Variants in GYG1 observed in about 807,000 individuals in gnomAD.
GYG1 encodes the protein glycogenin 1.
Under a neutral mutation model 41.9 loss-of-function variants are expected in GYG1, and 44 were observed. That is an observed-to-expected ratio of 1.05 (90% CI 0.83 to 1.35). The LOEUF (loss-of-function observed/expected upper bound fraction) is 1.35. Among genes scored for constraint, GYG1 ranks in the 40% most tolerant of loss-of-function variants. GYG1 has a pLI of 0.00. For synonymous variants in GYG1, 141 were observed against 158.1 expected (o/e 0.89, Z 0.81); for missense variants, 429 against 418.9 (o/e 1.02, Z -0.21).
chr3:149,012,739 T>C (rs146629698), intron 5 of GYG1, among the ~76,000 whole-genome samples: 197 of 152,330 alleles, frequency 1.3e-3, no homozygotes, highest in Non-Finnish European at 1.8e-3. Context: ...AAGATCCTCT[T>C]TAACACGGCA....
At chr3:149,015,036 T>G (rs2877370) in intron 5 of GYG1, among the ~76,000 whole-genome samples, 45,730 of 152,006 alleles carry the variant, frequency 0.3, 6,831 homozygotes, top group East Asian at 0.33. Context: ...GGTTTCCAAT[T>G]TCTTTGGAAA....
chr3:148,992,098 GCCTCCGCCCGGCT>G (rs1712516410), intron 1 of GYG1, among the ~76,000 whole-genome samples: 1 of 151,914 alleles, frequency 6.6e-6, no homozygotes, highest in Non-Finnish European at 1.5e-5. Context: ...GGATACTGCG[GCCTCCGCCCGGCT>G]CCTCCGCCGC....
At chr3:149,017,217 GTAT>G (rs1258943926) in intron 5 of GYG1, among the ~76,000 whole-genome samples, 1 of 152,216 alleles carries the variant, frequency 6.6e-6, no homozygotes, top group Non-Finnish European at 1.5e-5. Context: ...CACATAAGCA[GTAT>G]TATTGCTGGC....
intron 5 of GYG1, among the ~76,000 whole-genome samples, chr3:149,014,867 C>CAAAAAA (rs113311454): frequency 9.0e-6 from 1 of 111,020 alleles, no homozygotes. Context: ...GACTCTGTCT[C>CAAAAAA]AAAAAAAAAA....
intron 6 of GYG1, 134 bp from the exon 7 acceptor site, chr3:149,026,318 T>C: frequency 1.3e-6 from 1 of 753,764 alleles, no homozygotes; most frequent in South Asian, 1.4e-5. Flanking sequence ...TTAGATTCTT[T>C]CTGAAATGTA....
chr3:148,992,385 AG>A (rs1559995021), intron 1 of GYG1: 2 of 152,342 alleles, frequency 1.3e-5, no homozygotes, highest in African/African-American at 4.8e-5. Flanking sequence ...CAAAGATTGC[AG>A]GTGTAACCCA....
chr3:149,019,370 G>C (rs1714250183), intron 5 of GYG1, among the ~76,000 whole-genome samples: 2 of 152,250 alleles, frequency 1.3e-5, no homozygotes, highest in African/African-American at 4.8e-5. Context: ...CTGTTGGGAG[G>C]CTACATCACT....
At chr3:149,008,574 A>T (rs1713541513) in intron 4 of GYG1, among the ~76,000 whole-genome samples, 1 of 152,184 alleles carries the variant, frequency 6.6e-6, no homozygotes, top group Non-Finnish European at 1.5e-5. Context: ...CGCCCATCAG[A>T]TGTAGCTCAA....
chr3:149,014,689 A>G (rs1456407572), intron 5 of GYG1, among the ~76,000 whole-genome samples: 1 of 151,900 alleles, frequency 6.6e-6, no homozygotes, highest in African/African-American at 2.4e-5. Context: ...CTACTAAAAA[A>G]AAAAATACAT....
chr3:148,992,095 G>T (rs890134302), intron 1 of GYG1, among the ~76,000 whole-genome samples: 1 of 152,020 alleles, frequency 6.6e-6, no homozygotes, highest in Non-Finnish European at 1.5e-5. Context: ...CGGGGATACT[G>T]CGGCCTCCGC....
At chr3:149,017,050 T>C (rs1714090193) in intron 5 of GYG1, among the ~76,000 whole-genome samples, 1 of 152,208 alleles carries the variant, frequency 6.6e-6, no homozygotes. Flanking sequence ...CTAAAATTGC[T>C]CCTGTGTGTG....
chr3:149,022,298 A>T (rs2107919462), intron 5 of GYG1, among the ~76,000 whole-genome samples: 1 of 152,260 alleles, frequency 6.6e-6, no homozygotes, highest in Admixed American at 6.5e-5. Flanking sequence ...GCATATGTAC[A>T]AAAGAATACA....
At chr3:149,017,381 TTG>T (rs1214254903) in intron 5 of GYG1, among the ~76,000 whole-genome samples, 13 of 151,700 alleles carry the variant, frequency 8.6e-5, no homozygotes, top group African/African-American at 3.1e-4. Context: ...GTAGAGACAA[TTG>T]TGACATGTAC....
chr3:149,017,458 G>A (rs1714110232), intron 5 of GYG1, among the ~76,000 whole-genome samples: 1 of 151,078 alleles, frequency 6.6e-6, no homozygotes, highest in Non-Finnish European at 1.5e-5. Flanking sequence ...GTGAGTCAGT[G>A]AATCTTATGG....
chr3:149,030,603 C>G lies in GYG1; in HGVS notation c.*3670C>G, dbSNP rs909669464. 1 of 152,162 alleles carries G rather than the reference C, an allele frequency of 6.6e-6. No homozygotes were observed. The highest frequency in any genetic ancestry group is 2.4e-5 in the African/African-American group (1 of 41,428). The allele number at this position is 152,162 out of a possible 1,614,324, so 9.4% of individuals were successfully genotyped here. A position where few individuals can be genotyped will look rare whatever the true frequency, so the allele number is the denominator to read the frequency against. On this transcript the variant is annotated 3_prime_UTR_variant, in exon 8 of 8. Transcript: ENST00000345003. ...ACTGAAGTATTGCTATATGGAGAACCCATACTCTGATCAACTTGATTTTTT... is the reference window on the plus strand; with the variant it reads ...ACTGAAGTATTGCTATATGGAGAACGCATACTCTGATCAACTTGATTTTTT...
chr3:149,011,711 A>G (rs552766352), intron 5 of GYG1, among the ~76,000 whole-genome samples: 1 of 152,342 alleles, frequency 6.6e-6, no homozygotes, highest in South Asian at 2.1e-4. Flanking sequence ...ATTGCCCCCA[A>G]AAAACCAGTT....
At chr3:148,999,548 A>C (rs1276060876) in intron 4 of GYG1, among the ~76,000 whole-genome samples, 1 of 152,202 alleles carries the variant, frequency 6.6e-6, no homozygotes, top group East Asian at 1.9e-4. Flanking sequence ...GGGGTTTACT[A>C]TCCACTTGAA....
In GYG1 at chr3:148,994,157, CACTA is replaced by C. The variant is rs748150830; in HGVS notation, c.26_29del (p.Leu9ProfsTer17). ...TTGTATTAAGATCAGGCCTTTGTGA[CACTA>C]ACCACAAACGATGCCTACGCCAAAG... On this transcript the variant is annotated frameshift_variant, in exon 2 of 8. Transcript: ENST00000345003. LOFTEE classifies it high-confidence loss of function. 1.2e-5 allele frequency: 20 copies of C among 1,612,872 alleles called. No homozygotes were observed. Among genetic ancestry groups the C allele is most frequent in the Non-Finnish European group, 1.7e-5 (20 of 1,179,162 alleles).
Position 149,028,521 on chromosome 3 carries a change from T to C in GYG1, c.*1588T>C, listed in dbSNP as rs1714769921. 6.6e-6 allele frequency among the ~76,000 whole-genome samples: 1 copy of C among 152,152 alleles called. No individual in the cohort carries two copies. Among genetic ancestry groups the C allele is most frequent in the South Asian group, 2.1e-4 (1 of 4,816 alleles). On this transcript the variant is annotated 3_prime_UTR_variant, in exon 8 of 8. Coordinates refer to ENST00000345003, the MANE Select transcript of GYG1 (RefSeq NM_004130.4). ...TCAAAATTTTAGCTAGTCAGAGGTC[T>C]TTCTGGCTTCCGAGTCCCTGGTTAA...
Sources: gnomAD v4.1 joint callset for allele counts (sites outside exome capture counted in the v4.1 genomes callset) on GRCh38, gnomAD v4.1.1 for gene constraint, MANE v1.5 for transcripts, NCBI Gene and HGNC (gene_info 2026-07-23, HGNC 2026-07-21) for gene names.